The following FRMD4B variants were observed in gnomAD, a reference collection of about 807,000 sequenced individuals.
The protein encoded by FRMD4B is FERM domain-containing protein 4B.
FRMD4B carries 74 observed loss-of-function variants against 141.5 expected under a neutral mutation model. The observed-to-expected ratio is 0.52, with a 90% CI of 0.43 to 0.63. The LOEUF is 0.63. Among genes scored for constraint, FRMD4B ranks in the 30% least tolerant of loss-of-function variants. The probability of loss-of-function intolerance (pLI) is 0.00; values close to 1 mark genes in which losing one functional copy is unlikely to be tolerated. For missense variants in FRMD4B, 1,366 were observed against 1,253.4 expected (o/e 1.09, Z -1.36); for synonymous variants, 506 against 467.9 (o/e 1.08, Z -1.05).
chr3:69,542,183 G>A (rs1347565816), intron 1 of FRMD4B: 1 of 152,096 alleles, frequency 6.6e-6, no homozygotes, highest in Admixed American at 6.5e-5. Flanking sequence ...CGCTTGGGGA[G>A]CCCGGGGCGG....
At chr3:69,504,050 C>T (rs1706550627) in intron 1 of FRMD4B, among the ~76,000 whole-genome samples, 1 of 152,174 alleles carries the variant, frequency 6.6e-6, no homozygotes, top group African/African-American at 2.4e-5. Context: ...GTCCATACTC[C>T]TACAGGATCA....
At chr3:69,323,222 CT>C (rs1400005708) in intron 1 of FRMD4B, among the ~76,000 whole-genome samples, 1 of 152,124 alleles carries the variant, frequency 6.6e-6, no homozygotes, top group Non-Finnish European at 1.5e-5. Flanking sequence ...AAGATAACAG[CT>C]GCTGACTGTG....
chr3:69,249,265 A>G lies in FRMD4B; in HGVS notation c.559-17T>C, dbSNP rs888844137. ...CTTGGCTTCCTAAAAACAACAAACA[A>G]AAACAGAGTTGATCAATATGTATCT... On this transcript the variant is annotated splice_polypyrimidine_tract_variant and intron_variant, in intron 6 of 22. Coordinates refer to ENST00000398540, the MANE Select transcript of FRMD4B (RefSeq NM_015123.3). 2 of 1,551,506 alleles carry G rather than the reference A, an allele frequency of 1.3e-6. No homozygotes were observed. The highest frequency in any genetic ancestry group is 1.8e-6 in the Non-Finnish European group (2 of 1,128,802).
chr3:69,341,534 C>T (rs990713902), intron 1 of FRMD4B, among the ~76,000 whole-genome samples: 2 of 152,140 alleles, frequency 1.3e-5, no homozygotes, highest in African/African-American at 2.4e-5. Flanking sequence ...AAATACCTTC[C>T]ACAGAGCCCA....
intron 2 of FRMD4B, among the ~76,000 whole-genome samples, chr3:69,392,570 A>G (rs1704402602): frequency 6.6e-6 from 1 of 152,196 alleles, no homozygotes. Flanking sequence ...GGTACAAAGA[A>G]AGAGCTTGAG....
At chr3:69,211,075 A>G (rs2093074558) in intron 11 of FRMD4B, among the ~76,000 whole-genome samples, 1 of 150,120 alleles carries the variant, frequency 6.7e-6, no homozygotes, top group African/African-American at 2.4e-5. Context: ...TTAGTACACT[A>G]AAGCTGTGGG....
intron 2 of FRMD4B, among the ~76,000 whole-genome samples, chr3:69,428,647 A>G (rs936180055): frequency 1.3e-5 from 2 of 152,152 alleles, no homozygotes; most frequent in Non-Finnish European, 2.9e-5. Flanking sequence ...AAAAACCAGG[A>G]AAGTTTTCCT....
chr3:69,216,118 C>T (rs1033962215), intron 11 of FRMD4B, 145 bp downstream of exon 11: 1 of 532,214 alleles, frequency 1.9e-6, no homozygotes, highest in East Asian at 3.4e-5. Context: ...CAGCCCACTG[C>T]ACTCCAGCTT....
intron 11 of FRMD4B, among the ~76,000 whole-genome samples, chr3:69,211,511 C>T (rs148911206): frequency 1.3e-5 from 2 of 152,354 alleles, no homozygotes; most frequent in Non-Finnish European, 2.9e-5. Flanking sequence ...TTAACATTCA[C>T]AGGTGATAAC....
At chr3:69,454,604 C>T (rs9818991) in intron 1 of FRMD4B, among the ~76,000 whole-genome samples, 52,380 of 152,094 alleles carry the variant, frequency 0.34, 9,580 homozygotes, top group African/African-American at 0.46. Context: ...GAGGGTGTGC[C>T]GGGTCCCCCA....
chr3:69,224,605 A>T lies in FRMD4B; in HGVS notation c.665+2T>A. The T allele has an allele frequency of 6.8e-7, 1 of 1,481,470 alleles. No individual in the cohort carries two copies. The highest frequency in any genetic ancestry group is 9.4e-7 in the Non-Finnish European group (1 of 1,064,876). The allele number at this position is 1,481,470 out of a possible 1,614,324, so 91.8% of individuals were successfully genotyped here. A position where few individuals can be genotyped will look rare whatever the true frequency, so the allele number is the denominator to read the frequency against. ...GACACCTGTTATGTGGATTTGGCTT[A>T]CCAGTAGGCAAGGGATGGATGCTCC... On this transcript the variant is annotated splice_donor_variant, in intron 8 of 22. Coordinates refer to ENST00000398540, the MANE Select transcript of FRMD4B (RefSeq NM_015123.3). LOFTEE classifies it high-confidence loss of function.
chr3:69,447,602 ATATAAT>A (rs1705428706), intron 1 of FRMD4B, among the ~76,000 whole-genome samples: 1 of 152,346 alleles, frequency 6.6e-6, no homozygotes, highest in East Asian at 1.9e-4. Context: ...TGTTACAAGT[ATATAAT>A]GTGTAGTGAT....
rs1201798964 is a variant in FRMD4B, at chr3:69,182,591, C to T, written c.2039+7G>A. The T allele has an allele frequency of 6.2e-7, 1 of 1,603,936 alleles. No homozygotes were observed. Among genetic ancestry groups the T allele is most frequent in the Non-Finnish European group, 8.5e-7 (1 of 1,177,250 alleles). On this transcript the variant is annotated splice_region_variant and intron_variant, in intron 20 of 22. Coordinates refer to ENST00000398540, the MANE Select transcript of FRMD4B (RefSeq NM_015123.3). ...CAGCTAAAGCAATGAGAAAGAAGCT[C>T]TCTTACTCCAAGTGGCTGCTGCTGT... is the stretch of plus-strand genomic sequence containing the variant.
chr3:69,427,525 T>C (rs1466581262), intron 2 of FRMD4B, among the ~76,000 whole-genome samples: 1 of 151,144 alleles, frequency 6.6e-6, no homozygotes, highest in Non-Finnish European at 1.5e-5. Context: ...CCGTCCAATA[T>C]GGAGAATTCC....
chr3:69,400,355 C>T (rs934024573), intron 2 of FRMD4B, among the ~76,000 whole-genome samples: 1 of 151,304 alleles, frequency 6.6e-6, no homozygotes, highest in African/African-American at 2.4e-5. Context: ...GCACTCTAGC[C>T]TGGGCAACAG....
intron 11 of FRMD4B, among the ~76,000 whole-genome samples, chr3:69,204,232 C>T (rs962150465): frequency 6.6e-6 from 1 of 152,124 alleles, no homozygotes; most frequent in South Asian, 2.1e-4. Flanking sequence ...GGAGGACCTT[C>T]CCAGGGGCAT....
At chr3:69,240,179 TAAATC>T (rs1215751422) in intron 7 of FRMD4B, among the ~76,000 whole-genome samples, 1 of 152,060 alleles carries the variant, frequency 6.6e-6, no homozygotes, top group East Asian at 1.9e-4. Flanking sequence ...AATTTATTCT[TAAATC>T]TAGAGTTAGA....
chr3:69,235,168 T>A (rs2093336956), intron 7 of FRMD4B, among the ~76,000 whole-genome samples: 1 of 140,444 alleles, frequency 7.1e-6, no homozygotes, highest in Admixed American at 7.1e-5. Flanking sequence ...ATAATAATAA[T>A]AATAATAATA....
chr3:69,451,424 A>G (rs1036779911), intron 1 of FRMD4B, among the ~76,000 whole-genome samples: 35 of 152,202 alleles, frequency 2.3e-4, no homozygotes, highest in African/African-American at 8.4e-4. Context: ...GGAAGAATAT[A>G]TTGTGATTGA....
Sources: allele counts gnomAD v4.1 joint callset (sites outside exome capture counted in the v4.1 genomes callset), GRCh38; gene constraint gnomAD v4.1.1; transcripts MANE v1.5; gene names NCBI Gene and HGNC (gene_info 2026-07-23, HGNC 2026-07-21).